The following REV3L variants were observed in gnomAD, a reference collection of about 807,000 sequenced individuals.
REV3L encodes the protein REV3 like, DNA directed polymerase zeta catalytic subunit.
A neutral mutation model predicts 299.4 loss-of-function variants in REV3L; 69 were observed. That is an observed-to-expected ratio of 0.23 (90% CI 0.19 to 0.28). REV3L has a LOEUF of 0.28. Ranked by LOEUF, REV3L falls within the 10% of genes least tolerant of loss-of-function variation. The pLI is 1.00. For missense variants in REV3L, 3,128 were observed against 3,693.8 expected (o/e 0.85, Z 3.97); for synonymous variants, 1,238 against 1,271.4 (o/e 0.97, Z 0.56).
intron 1 of REV3L, among the ~76,000 whole-genome samples, chr6:111,471,627 T>C (rs1243112080): frequency 6.6e-6 from 1 of 152,234 alleles, no homozygotes; most frequent in Non-Finnish European, 1.5e-5. Flanking sequence ...TGCTATGCTG[T>C]AGAAATTATT....
At chr6:111,331,155 C>T (rs1434174947) in intron 24 of REV3L, 1 of 366,920 alleles carries the variant, frequency 2.7e-6, no homozygotes, top group East Asian at 1.6e-4. Context: ...GTAAAGTTTT[C>T]CTCTGTCTCT....
chr6:111,408,294 C>T (rs1043151406), intron 3 of REV3L, among the ~76,000 whole-genome samples: 5 of 152,038 alleles, frequency 3.3e-5, no homozygotes, highest in Non-Finnish European at 7.4e-5. Flanking sequence ...CCCCAGAACC[C>T]CTTTCATTCT....
rs763549507 is a variant in REV3L, at chr6:111,299,984, A to AAT, written c.*30_*31dup. 1.7e-5 allele frequency: 27 copies of AAT among 1,593,572 alleles called. No individual in the cohort carries two copies. The Admixed American group carries it at 1.8e-4, about 11-fold the overall frequency. The stretch of plus-strand genomic sequence containing the variant: ...CAGTTTAGTGGTAAGCACTGAAAAA[A>AAT]ATAGCACCTGTAATACTGTGATATT... On this transcript the variant is annotated 3_prime_UTR_variant, in exon 32 of 32. Transcript: ENST00000368802.
At chr6:111,422,225 T>C (rs935736832) in intron 1 of REV3L, among the ~76,000 whole-genome samples, 2 of 152,182 alleles carry the variant, frequency 1.3e-5, no homozygotes, top group Non-Finnish European at 2.9e-5. Flanking sequence ...AATAGCTCTG[T>C]GGCTCTGTAG....
At chr6:111,450,478 C>CAAAAAAAAAA (rs869119350) in intron 1 of REV3L, among the ~76,000 whole-genome samples, 9 of 54,106 alleles carry the variant, frequency 1.7e-4, no homozygotes, top group African/African-American at 4.4e-4. Context: ...GACCCTGTCT[C>CAAAAAAAAAA]AAAAAAAAAA....
In REV3L at chr6:111,380,107, A is replaced by G; in HGVS notation, c.1329T>C (p.Asn443=). 1 of 1,613,546 alleles carries G rather than the reference A, an allele frequency of 6.2e-7. No homozygotes were observed. The highest frequency in any genetic ancestry group is 8.5e-7 in the Non-Finnish European group (1 of 1,179,632). The part of the protein sequence containing the change: ...MPSPCRSFGN[N]KYPQNSDDEE... ...CATCATCACTATTTTGTGGATATTTATTATTTCCAAAGGAGCGACATGGTG... is the reference window on the plus strand; with the variant it reads ...CATCATCACTATTTTGTGGATATTTGTTATTTCCAAAGGAGCGACATGGTG... Residue 443 remains asparagine, a synonymous_variant, in exon 11 of 32, where the codon AAT becomes AAC. Transcript: ENST00000368802.
intron 1 of REV3L, 41 bp from the exon 2 acceptor site, chr6:111,416,513 G>A: frequency 6.8e-7 from 1 of 1,462,326 alleles, no homozygotes; most frequent in Non-Finnish European, 9.4e-7. Flanking sequence ...TCCAGACACA[G>A]TTTAACAATA....
intron 2 of REV3L, chr6:111,412,086 T>C (rs1408459371): frequency 2.0e-6 from 2 of 984,898 alleles, no homozygotes; most frequent in African/African-American, 1.7e-5. Context: ...TATTATTTTA[T>C]AAGTTCAATA....
intron 4 of REV3L, among the ~76,000 whole-genome samples, chr6:111,394,122 T>C (rs1238814583): frequency 1.3e-5 from 2 of 152,126 alleles, no homozygotes; most frequent in South Asian, 2.1e-4. Context: ...CTTTGATATA[T>C]TGAATTGATT....
chr6:111,360,470 CTTTTTTTTTTT>C, intron 16 of REV3L, among the ~76,000 whole-genome samples: 1 of 129,538 alleles, frequency 7.7e-6, no homozygotes, highest in South Asian at 2.3e-4. Context: ...GTTAAATAAT[CTTTTTTTTTTT>C]TTTTTTTTTT....
intron 26 of REV3L, chr6:111,315,601 AAC>A: frequency 1.9e-6 from 1 of 522,714 alleles, no homozygotes; most frequent in Non-Finnish European, 3.4e-6. Context: ...CAATATTTCT[AAC>A]ACACAGATCA....
intron 1 of REV3L, among the ~76,000 whole-genome samples, chr6:111,445,380 A>G (rs1177010936): frequency 2.6e-5 from 4 of 152,188 alleles, no homozygotes; most frequent in Non-Finnish European, 4.4e-5. Flanking sequence ...AATCCAAAAT[A>G]TAAGTTGCAA....
At chr6:111,312,387 T>C (rs191702749) in intron 28 of REV3L, 1 of 152,328 alleles carries the variant, frequency 6.6e-6, no homozygotes. Flanking sequence ...ATACCATTTA[T>C]TTTTGTTTTG....
At chr6:111,342,397 G>A (rs112826396) in intron 21 of REV3L, among the ~76,000 whole-genome samples, 16,520 of 152,152 alleles carry the variant, frequency 0.11, 1,168 homozygotes, top group Middle Eastern at 0.2. Context: ...GGCCGGGCAC[G>A]GTGGCTCATG....
At position 111,464,386 on chromosome 6, in the gene REV3L, C is replaced by T. The variant is rs575554087; in HGVS notation, c.139+18364G>A. ...CAAACACTAGGCTTGGAAAAATAGC[C>T]CTTGTTCATAGATAGGTATGTATGG... On this transcript the variant is annotated intron_variant, in intron 1 of 31. Transcript: ENST00000368802. Among the ~76,000 whole-genome samples, 15 of 152,234 alleles carry T rather than the reference C, an allele frequency of 9.9e-5. No individual in the cohort carries two copies. The South Asian group carries it at 2.5e-3, about 25-fold the overall frequency.
At position 111,365,311 on chromosome 6, in the gene REV3L, CCTTT is replaced by C; in HGVS notation, c.6703_6706del (p.Lys2235GlufsTer12). The C allele has an allele frequency of 6.3e-7, 1 of 1,575,834 alleles. No individual in the cohort carries two copies. Among genetic ancestry groups the C allele is most frequent in the Non-Finnish European group, 8.6e-7 (1 of 1,161,012 alleles). On this transcript the variant is annotated frameshift_variant, in exon 15 of 32. Coordinates refer to ENST00000368802, the MANE Select transcript of REV3L (RefSeq NM_001372078.1). LOFTEE classifies it high-confidence loss of function. ...TCTTCTAAGAGTGTCAGTATTACTT[CCTTT>C]CTTATTACTCAACTTCTGTGTTTTT...
Position 111,376,171 on chromosome 6 carries a change from G to A in REV3L, c.2184C>T (p.Asn728=), listed in dbSNP as rs747216647. Residue 728 remains asparagine, a synonymous_variant, in exon 13 of 32, where the codon AAC becomes AAT. Transcript: ENST00000368802. The stretch of plus-strand genomic sequence containing the variant: ...GGAATAAACTACTCAGAGCTGTGCT[G>A]TTTCCTTTTTCATTTCCTTCAGAGG... The part of the protein sequence containing the change: ...KVSSEGNEKG[N]STALSSLFPS... The A allele has an allele frequency of 1.2e-6, 2 of 1,611,926 alleles. No individual in the cohort carries two copies. Among genetic ancestry groups the A allele is most frequent in the South Asian group, 2.2e-5 (2 of 90,844 alleles).
At chr6:111,446,287 CA>C (rs1788820873) in intron 1 of REV3L, among the ~76,000 whole-genome samples, 1 of 152,112 alleles carries the variant, frequency 6.6e-6, no homozygotes, top group Admixed American at 6.5e-5. Context: ...AATAGAGTAA[CA>C]ATATAATTTC....
chr6:111,339,814 C>T (rs1776300908), intron 21 of REV3L, among the ~76,000 whole-genome samples: 6 of 152,036 alleles, frequency 3.9e-5, no homozygotes. Flanking sequence ...TCTGACTAAC[C>T]ATATAACATA....
Sources: allele counts gnomAD v4.1 joint callset (sites outside exome capture counted in the v4.1 genomes callset), GRCh38; gene constraint gnomAD v4.1.1; transcripts MANE v1.5; gene names NCBI Gene and HGNC (gene_info 2026-07-23, HGNC 2026-07-21).